SNHG17: variants seen among roughly 807,000 people sequenced by gnomAD.
SNHG17 encodes the protein small nucleolar RNA host gene 17, also known as small nucleolar RNA host gene 17 (non-protein coding).
intron 5 of SNHG17, among the ~76,000 whole-genome samples, chr20:38,424,358 ATT>A (rs2084209978): frequency 6.6e-6 from 1 of 151,830 alleles, no homozygotes; most frequent in Admixed American, 6.6e-5. Context: ...CCTATAGCAT[ATT>A]GTCTCCCCCG....
chr20:38,428,415 G>A (rs563092658), intron 3 of SNHG17: 36 of 152,292 alleles, frequency 2.4e-4, no homozygotes, highest in African/African-American at 8.2e-4. Context: ...TGACTTTACA[G>A]GGTGCAAAAA....
chr20:38,427,411 C>T, intron 3 of SNHG17: 1 of 518,550 alleles, frequency 1.9e-6, no homozygotes, highest in Non-Finnish European at 3.9e-6. Flanking sequence ...GACCTAGGCA[C>T]AGGCAGCCTA....
At chr20:38,430,411 C>G (rs1019282964) in intron 3 of SNHG17, among the ~76,000 whole-genome samples, 2 of 151,852 alleles carry the variant, frequency 1.3e-5, no homozygotes, top group Non-Finnish European at 2.9e-5. Flanking sequence ...GGGTGGATTG[C>G]CAGAGGTCAG....
chr20:38,431,926 C>A, intron 2 of SNHG17: 1 of 820,810 alleles, frequency 1.2e-6, no homozygotes, highest in Non-Finnish European at 1.5e-6. Flanking sequence ...TCCCAGACAT[C>A]ACGCCCAGGG....
At chr20:38,425,343 CAGTG>C (rs779774886) in intron 5 of SNHG17, 1 of 518,552 alleles carries the variant, frequency 1.9e-6, no homozygotes, top group African/African-American at 1.9e-5. Context: ...CAAAATAGGG[CAGTG>C]AGTGAGTTGA....
At chr20:38,435,291 G>GGGCGA (rs2084413263) in exon 1 of SNHG17, 1 of 1,231,720 alleles carries the variant, frequency 8.1e-7, no homozygotes, top group East Asian at 3.2e-5. Flanking sequence ...GTGCGGTGGC[G>GGGCGA]TGCGATGGCG....
At chr20:38,425,124 C>G (rs1363881039) in intron 5 of SNHG17, 24 of 456,826 alleles carry the variant, frequency 5.3e-5, no homozygotes, top group South Asian at 3.6e-4. Context: ...TGGTGCCATC[C>G]CTAATGAGGT....
chr20:38,424,728 A>G (rs1253985842), intron 5 of SNHG17, among the ~76,000 whole-genome samples: 1 of 152,114 alleles, frequency 6.6e-6, no homozygotes, highest in Non-Finnish European at 1.5e-5. Context: ...GGGGAGGCAG[A>G]GAGAGCTTCT....
intron 2 of SNHG17, among the ~76,000 whole-genome samples, chr20:38,433,465 G>A (rs534161600): frequency 5.9e-5 from 9 of 152,138 alleles, no homozygotes; most frequent in Admixed American, 2.6e-4. Context: ...GCAACATAGC[G>A]AGACCCTGTC....
intron 5 of SNHG17, among the ~76,000 whole-genome samples, chr20:38,422,936 C>T (rs2084183187): frequency 6.6e-6 from 1 of 151,964 alleles, no homozygotes; most frequent in African/African-American, 2.4e-5. Flanking sequence ...ACTAGAAATA[C>T]AAAAAATTAT....
chr20:38,427,401 G>A (rs763328269), intron 3 of SNHG17: 1 of 518,828 alleles, frequency 1.9e-6, no homozygotes, highest in Non-Finnish European at 3.8e-6. Flanking sequence ...CACTATCAAT[G>A]ACCTAGGCAC....
chr20:38,434,368 A>C (rs2084394662), intron 2 of SNHG17: 1 of 233,470 alleles, frequency 4.3e-6, no homozygotes, highest in African/African-American at 2.3e-5. Context: ...CCCGTCTCCT[A>C]AGTCACGCTT....
chr20:38,427,074 T>C (rs2122703371), intron 3 of SNHG17, among the ~76,000 whole-genome samples: 1 of 139,616 alleles, frequency 7.2e-6, no homozygotes, highest in African/African-American at 2.6e-5. Flanking sequence ...GTCTCCCTCA[T>C]GTTTATATGC....
intron 5 of SNHG17, among the ~76,000 whole-genome samples, chr20:38,424,461 A>G (rs1351496972): frequency 6.6e-6 from 1 of 152,182 alleles, no homozygotes; most frequent in Non-Finnish European, 1.5e-5. Context: ...GCCAGGACTG[A>G]AGGTGGACTG....
chr20:38,432,009 G>C, intron 2 of SNHG17: 1 of 985,410 alleles, frequency 1.0e-6, no homozygotes, highest in Non-Finnish European at 1.2e-6. Flanking sequence ...AGAACACCAT[G>C]GTCCACCTGC....
intron 2 of SNHG17, among the ~76,000 whole-genome samples, chr20:38,431,378 C>T (rs1023477217): frequency 1.3e-5 from 2 of 152,198 alleles, no homozygotes; most frequent in African/African-American, 4.8e-5. Flanking sequence ...CACAAGCAGC[C>T]TGTAATCACT....
At chr20:38,434,641 A>G in intron 1 of SNHG17, 1 of 176,480 alleles carries the variant, frequency 5.7e-6, no homozygotes, top group Non-Finnish European at 1.1e-5. Flanking sequence ...GCAAGGAAAA[A>G]GCACGGGGAG....
At chr20:38,423,781 C>T (rs1390012778) in intron 5 of SNHG17, among the ~76,000 whole-genome samples, 1 of 152,158 alleles carries the variant, frequency 6.6e-6, no homozygotes, top group Non-Finnish European at 1.5e-5. Context: ...AACAGACATG[C>T]TCATCGGCTT....
At chr20:38,421,365 C>T (rs41308713) in intron 6 of SNHG17, 14,944 of 152,258 alleles carry the variant, frequency 0.098, 825 homozygotes, top group Non-Finnish European at 0.12. Context: ...CAACTTTCTC[C>T]ATTTGTTCGA....
Sources: gnomAD v4.1 joint callset for allele counts (sites outside exome capture counted in the v4.1 genomes callset) on GRCh38, gnomAD v4.1.1 for gene constraint, MANE v1.5 for transcripts, NCBI Gene and HGNC (gene_info 2026-07-23, HGNC 2026-07-21) for gene names.